The following KLHDC7B variants were observed in gnomAD, a reference collection of about 807,000 sequenced individuals.
The protein encoded by KLHDC7B is kelch domain containing 7B.
KLHDC7B carries 1 observed loss-of-function variant against 0.6 expected under a neutral mutation model. The observed-to-expected ratio is 1.71, with a 90% CI of 0.61 to 8.11. KLHDC7B has a LOEUF of 8.11. Among genes scored for constraint, KLHDC7B ranks in the 30% most tolerant of loss-of-function variants. The pLI is 0.13. For missense variants in KLHDC7B, 993 were observed against 894.9 expected (o/e 1.11, Z -1.40); for synonymous variants, 462 against 405.2 (o/e 1.14, Z -1.68).
chr22:50,549,746 CCG>C lies in KLHDC7B; in HGVS notation c.1582_1583del (p.Ala528ProfsTer59). 1 of 1,477,218 alleles carries C rather than the reference CCG, an allele frequency of 6.8e-7. No individual in the cohort carries two copies. Among genetic ancestry groups the C allele is most frequent in the Non-Finnish European group, 9.2e-7 (1 of 1,081,134 alleles). 91.5% of individuals were successfully genotyped at this position (1,477,218 alleles called of 1,614,324 possible). ...AGCAGGGCTGCCTCCCTGCCCCTGC[CCG>C]CCCCCGCCCCACTGCACTGCACCAC... On this transcript the variant is annotated frameshift_variant, in exon 1 of 1. Transcript: ENST00000395676. LOFTEE classifies it low-confidence loss of function (END_TRUNC).
Position 50,548,862 on chromosome 22 carries a change from G to A in KLHDC7B, c.2619G>A (p.Gln873=). 2 of 1,559,300 alleles carry A rather than the reference G, an allele frequency of 1.3e-6. No individual in the cohort carries two copies. Among genetic ancestry groups the A allele is most frequent in the South Asian group, 1.2e-5 (1 of 85,922 alleles). The part of the protein sequence containing the change: ...SCLDVLAFAQ[Q]HGEPGLAQET... ...TGGACGTGCTGGCCTTTGCCCAGCA[G>A]CACGGAGAGCCCGGCCTGGCGCAGG... is the stretch of plus-strand genomic sequence containing the variant. Residue 873 remains glutamine (Q), a synonymous_variant, in exon 1 of 1, where the codon CAG becomes CAA. Transcript: ENST00000648057. This position sits in a 1 kb window ranked among gnomAD's most constrained non-coding sequence, Gnocchi z 5.3.
In KLHDC7B at chr22:50,549,408, C is replaced by G. The variant is rs574329986; in HGVS notation, c.3165C>G (p.Cys1055Trp). Reference protein sequence around the residue: ...DGLLYAIGGECLYSMECYDPR... With the variant: ...DGLLYAIGGEWLYSMECYDPR... ...TGCTCTATGCCATCGGTGGCGAATG[C>G]CTGTACAGCATGGAGTGCTACGACC... Residue 1055 changes from cysteine to tryptophan, a missense_variant, in exon 1 of 1, where the codon TGC (cysteine) becomes TGG (tryptophan). Transcript: ENST00000648057. 5.6e-6 allele frequency: 9 copies of G among 1,612,780 alleles called. No individual in the cohort carries two copies. The highest frequency in any genetic ancestry group is 7.6e-6 in the Non-Finnish European group (9 of 1,179,944).
Position 50,549,888 on chromosome 22 carries a change from C to G in KLHDC7B, c.3645C>G (p.Thr1215=), listed in dbSNP as rs148213739. The change falls in exon 1 of 1, where the codon ACC becomes ACG. Residue 1215 remains threonine, a synonymous_variant. Coordinates refer to ENST00000648057, the MANE Select transcript of KLHDC7B (RefSeq NM_138433.5). The stretch of plus-strand genomic sequence containing the variant: ...TGCAGCCCTTCCCCTTGGGGAGCAC[C>G]GGGGTCCTCAGTCCATTCATCCTGA... ...KELQPFPLGS[T]GVLSPFILTL... 6.9e-6 allele frequency: 11 copies of G among 1,588,478 alleles called. No homozygotes were observed. The highest frequency in any genetic ancestry group is 4.5e-5 in the South Asian group (4 of 88,380).
chr22:50,546,576 G>A lies in KLHDC7B; in HGVS notation c.333G>A (p.Ala111=). Residue 111 remains alanine (A), a synonymous_variant, in exon 1 of 1, where the codon GCG becomes GCA. Coordinates refer to ENST00000648057, the MANE Select transcript of KLHDC7B (RefSeq NM_138433.5). ...AGCAGAGCCCTGTCCCTGCTGCAGCGCCGGGCGGGGGCCTGGCCGCCATGG... is the reference window on the plus strand; with the variant it reads ...AGCAGAGCCCTGTCCCTGCTGCAGCACCGGGCGGGGGCCTGGCCGCCATGG... The part of the protein sequence containing the change: ...RGQQSPVPAA[A]PGGGLAAMAR... The A allele has an allele frequency of 5.0e-6, 2 of 398,264 alleles. No individual in the cohort carries two copies. Among genetic ancestry groups the A allele is most frequent in the Non-Finnish European group, 8.9e-6 (2 of 225,774 alleles). The allele number at this position is 398,264 out of a possible 1,614,324, so 24.7% of individuals were successfully genotyped here.
At position 50,548,823 on chromosome 22, in the gene KLHDC7B, C is replaced by A; in HGVS notation, c.2580C>A (p.Asp860Glu). ...CGGCAGCCCTGCGGCGGCGGCTGGA[C>A]CTGGGCAGTTGCCTGGACGTGCTGG... is the stretch of plus-strand genomic sequence containing the variant. Reference protein sequence around the residue: ...ATAAALRRRLDLGSCLDVLAF... With the variant: ...ATAAALRRRLELGSCLDVLAF... Residue 860 changes from aspartate (D) to glutamate (E), a missense_variant, in exon 1 of 1, where the codon GAC (aspartate) becomes GAA (glutamate). By Grantham distance (45) the Asp-to-Glu change is conservative. Coordinates refer to ENST00000648057, the MANE Select transcript of KLHDC7B (RefSeq NM_138433.5). The surrounding 1 kb of genome is among the most constrained non-coding windows in gnomAD (Gnocchi z 5.3). 3 of 1,521,396 alleles carry A rather than the reference C, an allele frequency of 2.0e-6. No individual in the cohort carries two copies. The highest frequency in any genetic ancestry group is 2.6e-6 in the Non-Finnish European group (3 of 1,137,704). The allele number at this position is 1,521,396 out of a possible 1,614,324, so 94.2% of individuals were successfully genotyped here. A position where few individuals can be genotyped will look rare whatever the true frequency, so the allele number is the denominator to read the frequency against.
In KLHDC7B at chr22:50,549,304, CCT is replaced by C; in HGVS notation, c.1141_1142del (p.Leu381AspfsTer206). ...CTCCAACGAGGTCTTCTGCTACAAC[CCT>C]CTGACCAACATCTGGAGCCAGGTTC... On this transcript the variant is annotated frameshift_variant, in exon 1 of 1. Coordinates refer to the KLHDC7B transcript ENST00000395676. LOFTEE classifies it low-confidence loss of function (END_TRUNC). 6.2e-7 allele frequency: 1 copy of C among 1,612,702 alleles called. No individual in the cohort carries two copies. Among genetic ancestry groups the C allele is most frequent in the South Asian group, 1.1e-5 (1 of 91,086 alleles).
At position 50,546,320 on chromosome 22, in the gene KLHDC7B, C is replaced by T. The variant is rs2069727919; in HGVS notation, c.77C>T (p.Ala26Val). Residue 26 changes from alanine to valine, a missense_variant, in exon 1 of 1, where the codon GCT (alanine) becomes GTT (valine). Transcript: ENST00000648057. ...GACAGTGACAATGACTGGGATAGTG[C>T]TGTGCTGGCCCTCCTGGCGCTGGCT... ...DWDSDNDWDSAVLALLALAVV... is the reference protein window; with the variant it reads ...DWDSDNDWDSVVLALLALAVV... 1 of 399,090 alleles carries T rather than the reference C, an allele frequency of 2.5e-6. No homozygotes were observed. The allele number at this position is 399,090 out of a possible 1,614,324, so 24.7% of individuals were successfully genotyped here.
In KLHDC7B at chr22:50,549,459, C is replaced by T. The variant is rs367588242; in HGVS notation, c.3216C>T (p.Arg1072=). The change falls in exon 1 of 1, where the codon CGC becomes CGT. Residue 1072 remains arginine, a synonymous_variant. Transcript: ENST00000648057. ...CGCGAACAGACGCCTGGACCCCACG[C>T]GCGCCACTCCCCGCAGGCACCTTCC... The part of the protein sequence containing the change: ...YDPRTDAWTP[R]APLPAGTFPV... The T allele has an allele frequency of 8.1e-6, 13 of 1,612,484 alleles. No homozygotes were observed. Among genetic ancestry groups the T allele is most frequent in the Middle Eastern group, 1.6e-4 (1 of 6,082 alleles).
In KLHDC7B at chr22:50,547,577, C is replaced by G. The variant is rs548464003; in HGVS notation, c.1334C>G (p.Pro445Arg). Residue 445 changes from proline (P) to arginine (R), a missense_variant, in exon 1 of 1, where the codon CCC (proline) becomes CGC (arginine). Pro to Arg is a moderately radical substitution (Grantham distance 103). Transcript: ENST00000648057. ...LTLPSPSDFL[P>R]LEVTQDPSVG... ...CTCCCCTCTCCTTCAGACTTTTTGC[C>G]CCTGGAGGTTACCCAGGATCCTTCC... 1.2e-3 allele frequency: 462 copies of G among 400,360 alleles called. 3 individuals are homozygous for G. The highest frequency in any genetic ancestry group is 8.7e-3 in the African/African-American group (423 of 48,710). 24.8% of individuals were successfully genotyped at this position (400,360 alleles called of 1,614,324 possible). A position where few individuals can be genotyped will look rare whatever the true frequency, so the allele number is the denominator to read the frequency against.
At position 50,548,120 on chromosome 22, in the gene KLHDC7B, G is replaced by T. The variant is rs376842755; in HGVS notation, c.1877G>T (p.Arg626Leu). The T allele has an allele frequency of 6.9e-7, 1 of 1,455,676 alleles. No individual in the cohort carries two copies. Among genetic ancestry groups the T allele is most frequent in the East Asian group, 2.5e-5 (1 of 39,978 alleles). 90.2% of individuals were successfully genotyped at this position (1,455,676 alleles called of 1,614,324 possible). ...KPQESVALPR[R>L]YQEGQVSASW... ...CAGGAGAGTGTGGCTCTCCCCAGGCGCTACCAGGAGGGGCAGGTCTCAGCC... is the reference window on the plus strand; with the variant it reads ...CAGGAGAGTGTGGCTCTCCCCAGGCTCTACCAGGAGGGGCAGGTCTCAGCC... Residue 626 changes from arginine (R) to leucine (L), a missense_variant, in exon 1 of 1, where the codon CGC becomes CTC. Arg to Leu is a moderately radical substitution (Grantham distance 102, BLOSUM62 -2). Transcript: ENST00000648057. The surrounding 1 kb of genome is among the most constrained non-coding windows in gnomAD (Gnocchi z 5.3).
In KLHDC7B at chr22:50,547,549, A is replaced by G; in HGVS notation, c.1306A>G (p.Thr436Ala). ...CCCGGGGTTCCCACCTGAAGCCCTGACTCTCCCCTCTCCTTCAGACTTTTT... is the reference window on the plus strand; with the variant it reads ...CCCGGGGTTCCCACCTGAAGCCCTGGCTCTCCCCTCTCCTTCAGACTTTTT... ...PGPGFPPEALTLPSPSDFLPL... is the reference protein window; with the variant it reads ...PGPGFPPEALALPSPSDFLPL... Residue 436 changes from threonine (T) to alanine (A), a missense_variant, in exon 1 of 1, where the codon ACT (threonine) becomes GCT (alanine). Transcript: ENST00000648057. 1 of 398,110 alleles carries G rather than the reference A, an allele frequency of 2.5e-6. No homozygotes were observed. The highest frequency in any genetic ancestry group is 4.4e-5 in the Admixed American group (1 of 22,680). 24.7% of individuals were successfully genotyped at this position (398,110 alleles called of 1,614,324 possible).
At position 50,547,475 on chromosome 22, in the gene KLHDC7B, G is replaced by A. The variant is rs2069744303; in HGVS notation, c.1232G>A (p.Arg411Gln). Reference protein sequence around the residue: ...AAAGHSRAPSRSREPRPRSAS... With the variant: ...AAAGHSRAPSQSREPRPRSAS... ...GCCGGCCACAGCCGCGCGCCCTCCC[G>A]GAGCCGTGAGCCTCGCCCGCGCTCC... The change falls in exon 1 of 1, where the codon CGG becomes CAG. Residue 411 changes from arginine to glutamine, a missense_variant. Physicochemically the swap from Arg to Gln is conservative, Grantham distance 43. Transcript: ENST00000648057. The A allele has an allele frequency of 2.6e-6, 1 of 387,428 alleles. No individual in the cohort carries two copies. Among genetic ancestry groups the A allele is most frequent in the Non-Finnish European group, 4.6e-6 (1 of 219,110 alleles). The allele number at this position is 387,428 out of a possible 1,614,324, so 24.0% of individuals were successfully genotyped here.
rs1419174571 is a variant in KLHDC7B, at chr22:50,546,219, C to G, written c.-25C>G. On this transcript the variant is annotated 5_prime_UTR_variant, in exon 1 of 1. It adds an upstream start codon to the 5' untranslated region. Transcript: ENST00000648057. ...TCTGCATGCACTGCCAGCCTGCCAT[C>G]AGGCCTCTATTGCAGCCCTGAACCA... Among the ~76,000 whole-genome samples the G allele has an allele frequency of 6.6e-6, 1 of 152,234 alleles. No individual in the cohort carries two copies. Among genetic ancestry groups the G allele is most frequent in the Non-Finnish European group, 1.5e-5 (1 of 68,040 alleles).
In KLHDC7B at chr22:50,550,057, T is replaced by C; in HGVS notation, c.*106T>C. The C allele has an allele frequency of 8.3e-7, 1 of 1,200,518 alleles. No individual in the cohort carries two copies. Among genetic ancestry groups the C allele is most frequent in the South Asian group, 1.7e-5 (1 of 58,260 alleles). 74.4% of individuals were successfully genotyped at this position (1,200,518 alleles called of 1,614,324 possible). A position where few individuals can be genotyped will look rare whatever the true frequency, so the allele number is the denominator to read the frequency against. On this transcript the variant is annotated 3_prime_UTR_variant, in exon 1 of 1. Coordinates refer to ENST00000648057, the MANE Select transcript of KLHDC7B (RefSeq NM_138433.5). ...GGAAGGGGCTGGGATCGGAACTTCC[T>C]GCTCTTGTTTCTGGACAACTTTCCC...
Position 50,547,283 on chromosome 22 carries a change from G to T in KLHDC7B, c.1040G>T (p.Arg347Leu), listed in dbSNP as rs1000841692. The change falls in exon 1 of 1, where the codon CGC becomes CTC. Residue 347 changes from arginine to leucine, a missense_variant. Transcript: ENST00000648057. ...RSFGPAPDST[R>L]PWLESPPQGR... The stretch of plus-strand genomic sequence containing the variant: ...TTTGGCCCAGCCCCAGACTCCACGC[G>T]CCCCTGGCTAGAGAGTCCGCCTCAA... Among the ~76,000 whole-genome samples, 1 of 151,082 alleles carries T rather than the reference G, an allele frequency of 6.6e-6. No individual in the cohort carries two copies. The highest frequency in any genetic ancestry group is 1.5e-5 in the Non-Finnish European group (1 of 67,668).
Position 50,546,037 on chromosome 22 carries a change from G to A in KLHDC7B, c.-207G>A, listed in dbSNP as rs1184742633. ...GGGCTCCTATCCTGCCATAAGCCTCGCTGTCTCCTGATATCTGCAGCCAGG... is the reference window on the plus strand; with the variant it reads ...GGGCTCCTATCCTGCCATAAGCCTCACTGTCTCCTGATATCTGCAGCCAGG... On this transcript the variant is annotated 5_prime_UTR_variant, in exon 1 of 1. Transcript: ENST00000648057. Among the ~76,000 whole-genome samples the A allele has an allele frequency of 6.6e-6, 1 of 152,108 alleles. No individual in the cohort carries two copies. The highest frequency in any genetic ancestry group is 2.4e-5 in the African/African-American group (1 of 41,416).
chr22:50,550,146 C>T lies in KLHDC7B; in HGVS notation c.*195C>T. The T allele has an allele frequency of 3.5e-6, 2 of 576,876 alleles. No homozygotes were observed. The highest frequency in any genetic ancestry group is 6.1e-6 in the Non-Finnish European group (2 of 328,520). 35.7% of individuals were successfully genotyped at this position (576,876 alleles called of 1,614,324 possible). ...ACTCCCTCAGCCTCTTTCTGCCCCT[C>T]ACTCCACACCCAGACTGTTTCCTGA... On this transcript the variant is annotated 3_prime_UTR_variant, in exon 1 of 1. Coordinates refer to ENST00000648057, the MANE Select transcript of KLHDC7B (RefSeq NM_138433.5).
Position 50,546,328 on chromosome 22 carries a change from G to T in KLHDC7B, c.85G>T (p.Ala29Ser). ...CAATGACTGGGATAGTGCTGTGCTG[G>T]CCCTCCTGGCGCTGGCTGTGGTGGC... ...SDNDWDSAVL[A>S]LLALAVVAAT... Residue 29 changes from alanine to serine, a missense_variant, in exon 1 of 1, where the codon GCC (alanine) becomes TCC (serine). By Grantham distance (99) the Ala-to-Ser change is moderately conservative. Coordinates refer to ENST00000648057, the MANE Select transcript of KLHDC7B (RefSeq NM_138433.5). The T allele has an allele frequency of 2.5e-6, 1 of 399,216 alleles. No individual in the cohort carries two copies. The highest frequency in any genetic ancestry group is 4.4e-6 in the Non-Finnish European group (1 of 226,278). 24.7% of individuals were successfully genotyped at this position (399,216 alleles called of 1,614,324 possible).
At position 50,549,795 on chromosome 22, in the gene KLHDC7B, C is replaced by T; in HGVS notation, c.3552C>T (p.Cys1184=). ...HCTTLGNTIY[C]LNPQVTATFT... is the part of the protein sequence containing the mutation. ...CCACCCTGGGCAACACCATTTACTG[C>T]CTCAACCCCCAGGTCACTGCCACCT... The change falls in exon 1 of 1, where the codon TGC becomes TGT. Residue 1184 remains cysteine (C), a synonymous_variant. Transcript: ENST00000648057. 1 of 1,597,368 alleles carries T rather than the reference C, an allele frequency of 6.3e-7. No individual in the cohort carries two copies. The highest frequency in any genetic ancestry group is 8.5e-7 in the Non-Finnish European group (1 of 1,174,098).
Sources: gnomAD v4.1 joint callset for allele counts (sites outside exome capture counted in the v4.1 genomes callset) on GRCh38, gnomAD v4.1.1 for gene constraint, Gnocchi (gnomAD v3.1) non-coding constraint, MANE v1.5 for transcripts, NCBI Gene and HGNC (gene_info 2026-07-23, HGNC 2026-07-21) for gene names.